ADAMTS19: variants seen among roughly 807,000 people sequenced by gnomAD.
The protein encoded by ADAMTS19 is ADAM metallopeptidase with thrombospondin type 1 motif 19, also known as A disintegrin and metalloproteinase with thrombospondin motifs 19.
In ADAMTS19, 93 loss-of-function variants were observed where a neutral mutation model predicts 153.3. The ratio of observed to expected loss-of-function variants is 0.61; its 90% confidence interval spans 0.51 to 0.72. The LOEUF is 0.72. Among genes scored for constraint, ADAMTS19 ranks in the 30% least tolerant of loss-of-function variants. The probability of loss-of-function intolerance (pLI) is 0.00; values close to 1 mark genes in which losing one functional copy is unlikely to be tolerated. For synonymous variants in ADAMTS19, 600 were observed against 556.6 expected (o/e 1.08, Z -1.10); for missense variants, 1,482 against 1,552.1 (o/e 0.95, Z 0.76).
At chr5:129,513,351 A>G (rs1390988772) in intron 3 of ADAMTS19, among the ~76,000 whole-genome samples, 2 of 151,896 alleles carry the variant, frequency 1.3e-5, no homozygotes, top group Non-Finnish European at 2.9e-5. Context: ...ACATTTATTT[A>G]GCCAGTCACA....
intron 6 of ADAMTS19, among the ~76,000 whole-genome samples, chr5:129,549,381 GAA>G (rs1204261600): frequency 6.6e-6 from 1 of 151,338 alleles, no homozygotes; most frequent in Non-Finnish European, 1.5e-5. Context: ...AAAACAAAAT[GAA>G]AGAGATAGGA....
intron 2 of ADAMTS19, among the ~76,000 whole-genome samples, chr5:129,474,516 C>T (rs540911717): frequency 6.6e-6 from 1 of 152,172 alleles, no homozygotes; most frequent in South Asian, 2.1e-4. Flanking sequence ...ATATTCCCCC[C>T]CAGTAATGTA....
chr5:129,702,670 T>C (rs12518432), intron 20 of ADAMTS19, among the ~76,000 whole-genome samples: 57,165 of 151,480 alleles, frequency 0.38, 12,755 homozygotes, highest in Non-Finnish European at 0.51. Flanking sequence ...TATCATATTT[T>C]ACATTGAAAT....
At chr5:129,634,891 AAGAGAG>A (rs58216053) in intron 10 of ADAMTS19, among the ~76,000 whole-genome samples, 4 of 150,164 alleles carry the variant, frequency 2.7e-5, no homozygotes, top group Admixed American at 6.7e-5. Flanking sequence ...AGCAAAATAA[AAGAGAG>A]AGAGAGAGAG....
intron 3 of ADAMTS19, among the ~76,000 whole-genome samples, chr5:129,512,694 A>G (rs1245829818): frequency 1.3e-5 from 2 of 152,064 alleles, no homozygotes; most frequent in East Asian, 3.9e-4. Context: ...ACCAGCTGGG[A>G]CACTGAGGGA....
At chr5:129,487,887 T>C (rs1421828) in intron 2 of ADAMTS19, among the ~76,000 whole-genome samples, 333 of 152,240 alleles carry the variant, frequency 2.2e-3, no homozygotes, top group Non-Finnish European at 3.6e-3. Context: ...AGAATTGCCA[T>C]ATATACATAT....
intron 2 of ADAMTS19, among the ~76,000 whole-genome samples, chr5:129,483,890 A>T (rs1750501139): frequency 6.6e-6 from 1 of 152,070 alleles, no homozygotes; most frequent in Admixed American, 6.6e-5. Context: ...CCTGAAAATG[A>T]TGTCTTTGAA....
rs1272243431 is a variant in ADAMTS19 at position 129,638,561 on chromosome 5, TCACACACACACACATACA to T, written c.1771-3283_1771-3266del. The stretch of plus-strand genomic sequence containing the variant: ...GTTTCCTATTTTAGTACTCTCTGTC[TCACACACACACACATACA>T]CACACACACACACACACACACACAA... On this transcript the variant is annotated intron_variant, in intron 10 of 22. Coordinates refer to ENST00000274487, the MANE Select transcript of ADAMTS19 (RefSeq NM_133638.6). 9.3e-3 allele frequency among the ~76,000 whole-genome samples: 1,101 copies of T among 118,988 alleles called. 13 individuals carry two copies. Among genetic ancestry groups the T allele is most frequent in the African/African-American group, 0.036 (1,021 of 28,726 alleles). The allele number at this position is 118,988 out of a possible 152,430, so 78.1% of individuals were successfully genotyped here.
intron 16 of ADAMTS19, among the ~76,000 whole-genome samples, chr5:129,675,265 A>AT (rs1284212532): frequency 1.3e-5 from 2 of 152,016 alleles, no homozygotes; most frequent in African/African-American, 4.8e-5. Flanking sequence ...ATTTCATTGC[A>AT]TTTTTTAGAT....
chr5:129,708,448 T>C (rs763840055), intron 21 of ADAMTS19, among the ~76,000 whole-genome samples: 1 of 152,044 alleles, frequency 6.6e-6, no homozygotes, highest in Admixed American at 6.6e-5. Context: ...CTCTTCTTAG[T>C]ATGGAACACT....
intron 21 of ADAMTS19, among the ~76,000 whole-genome samples, chr5:129,729,615 G>T (rs1757352050): frequency 6.6e-6 from 1 of 151,746 alleles, no homozygotes; most frequent in South Asian, 2.1e-4. Context: ...TTATTTCTTG[G>T]AGAATATTTT....
chr5:129,720,148 G>GTATATATATATATATATATATA, intron 21 of ADAMTS19, among the ~76,000 whole-genome samples: 1 of 143,198 alleles, frequency 7.0e-6, no homozygotes, highest in African/African-American at 2.6e-5. Context: ...ATGTGTGTAT[G>GTATATATATATATATATATATA]TATATATATA....
chr5:129,528,755 T>C, intron 6 of ADAMTS19, 78 bp downstream of exon 6: 1 of 1,157,362 alleles, frequency 8.6e-7, no homozygotes, highest in Admixed American at 2.9e-5. Context: ...CCTTAATAGA[T>C]AATGTTTTTA....
intron 7 of ADAMTS19, among the ~76,000 whole-genome samples, chr5:129,591,858 C>G (rs969699086): frequency 6.6e-6 from 1 of 152,020 alleles, no homozygotes; most frequent in Non-Finnish European, 1.5e-5. Flanking sequence ...ATGCATCCAT[C>G]TGATCACATA....
chr5:129,524,129 A>C (rs1006629176), intron 3 of ADAMTS19, among the ~76,000 whole-genome samples: 1 of 152,174 alleles, frequency 6.6e-6, no homozygotes, highest in Admixed American at 6.5e-5. Flanking sequence ...CCAATGGAAC[A>C]GAACAGAGAC....
intron 6 of ADAMTS19, among the ~76,000 whole-genome samples, chr5:129,529,305 AT>A (rs1381329834): frequency 4.6e-5 from 7 of 152,162 alleles, no homozygotes; most frequent in African/African-American, 1.7e-4. Flanking sequence ...TAGCAATTTA[AT>A]TTTAGTCATC....
chr5:129,724,727 G>A (rs1260311217), intron 21 of ADAMTS19, among the ~76,000 whole-genome samples: 3 of 152,140 alleles, frequency 2.0e-5, no homozygotes, highest in Non-Finnish European at 4.4e-5. Flanking sequence ...AATGCAGGAG[G>A]TTTTATAGAT....
chr5:129,684,499 G>GCATTACATTA (rs5871363), intron 18 of ADAMTS19, among the ~76,000 whole-genome samples: 18 of 132,672 alleles, frequency 1.4e-4, no homozygotes, highest in Non-Finnish European at 2.4e-4. Flanking sequence ...ACTACTCTTT[G>GCATTACATTA]CATTACATTA....
intron 3 of ADAMTS19, among the ~76,000 whole-genome samples, chr5:129,509,846 A>G (rs1219490577): frequency 6.6e-6 from 1 of 151,974 alleles, no homozygotes; most frequent in Non-Finnish European, 1.5e-5. Context: ...AGTTCTTTAC[A>G]GGAACAAAAT....
Sources: allele counts gnomAD v4.1 joint callset (sites outside exome capture counted in the v4.1 genomes callset), GRCh38; gene constraint gnomAD v4.1.1; transcripts MANE v1.5; gene names NCBI Gene and HGNC (gene_info 2026-07-23, HGNC 2026-07-21).